The following ESR2 variants were observed in gnomAD, a reference collection of about 807,000 sequenced individuals.
The protein encoded by ESR2 is estrogen receptor 2.
In ESR2, 36 loss-of-function variants were observed where a neutral mutation model predicts 49.6. The observed-to-expected ratio is 0.73, with a 90% CI of 0.56 to 0.96. ESR2 has a LOEUF of 0.96. Among genes scored for constraint, ESR2 ranks in the 40% least tolerant of loss-of-function variants. The probability of loss-of-function intolerance (pLI) is 0.00; values close to 1 mark genes in which losing one functional copy is unlikely to be tolerated. For missense variants in ESR2, 714 were observed against 693.0 expected, an observed-to-expected ratio of 1.03 and a Z score of -0.34; for synonymous variants, 320 against 266.1, an observed-to-expected ratio of 1.20 and a Z score of -1.97.
intron 7 of ESR2, among the ~76,000 whole-genome samples, chr14:64,240,635 A>G (rs997966447): frequency 2.0e-5 from 3 of 152,208 alleles, no homozygotes; most frequent in African/African-American, 7.2e-5. Flanking sequence ...CACCACAACC[A>G]AGATAATGAA....
Position 64,305,690 on chromosome 14 carries a change from A to G in ESR2, c.-90-22615T>C, listed in dbSNP as rs2077086517. 2.0e-5 allele frequency among the ~76,000 whole-genome samples: 3 copies of G among 151,894 alleles called. No individual in the cohort carries two copies. The South Asian group carries it at 6.2e-4, about 31-fold the overall frequency. On this transcript the variant is annotated intron_variant, in intron 1 of 8. Coordinates refer to the ESR2 transcript ENST00000358599. ...TGTCTCAATAAATAAATAAATAAAT[A>G]AAATATATATACTATATAAAATGCT...
chr14:64,331,376 A>C (rs999553076), intron 1 of ESR2, among the ~76,000 whole-genome samples: 2 of 152,216 alleles, frequency 1.3e-5, no homozygotes, highest in African/African-American at 4.8e-5. Flanking sequence ...AGAACTAAAT[A>C]AACAGACAAA....
intron 7 of ESR2, among the ~76,000 whole-genome samples, chr14:64,244,079 G>A (rs182927211): frequency 1.1e-4 from 17 of 151,538 alleles, no homozygotes; most frequent in Non-Finnish European, 1.5e-4. Flanking sequence ...CTGTGAGAGT[G>A]TTCCAGGAAG....
intron 1 of ESR2, among the ~76,000 whole-genome samples, chr14:64,314,976 G>A (rs1363933810): frequency 6.6e-6 from 1 of 151,672 alleles, no homozygotes; most frequent in East Asian, 1.9e-4. Flanking sequence ...GATGGACGCG[G>A]TGGCTCATGC....
intron 7 of ESR2, among the ~76,000 whole-genome samples, chr14:64,240,071 A>G (rs1183340743): frequency 6.6e-6 from 1 of 152,228 alleles, no homozygotes; most frequent in Non-Finnish European, 1.5e-5. Context: ...TTTCCATTCC[A>G]TATTATAGCC....
intron 1 of ESR2, among the ~76,000 whole-genome samples, chr14:64,322,173 C>T (rs1001175245): frequency 7.2e-5 from 11 of 152,148 alleles, no homozygotes; most frequent in Non-Finnish European, 1.3e-4. Context: ...ATTCTCCTGC[C>T]TCATGCTCCC....
At chr14:64,243,919 A>T (rs2075795841) in intron 7 of ESR2, among the ~76,000 whole-genome samples, 1 of 151,494 alleles carries the variant, frequency 6.6e-6, no homozygotes, top group South Asian at 2.1e-4. Context: ...CCCACTCAGT[A>T]CTCTCCCCTC....
At chr14:64,249,711 A>G in intron 6 of ESR2, 32 bp from the exon 7 acceptor site, 6 of 1,588,496 alleles carry the variant, frequency 3.8e-6, no homozygotes, top group South Asian at 1.1e-5. Context: ...TTTAAGGAAC[A>G]TAGCTTCAGG....
chr14:64,233,353 C>A (rs770321698), intron 8 of ESR2, 30 bp from the exon 9 acceptor site: 1 of 1,593,570 alleles, frequency 6.3e-7, no homozygotes, highest in South Asian at 1.1e-5. Flanking sequence ...CTGAGATTCC[C>A]TCCTCCGAGG....
intron 8 of ESR2, chr14:64,234,424 G>A (rs12432029): frequency 0.058 from 8,979 of 155,490 alleles, 343 homozygotes; most frequent in Non-Finnish European, 0.079. Context: ...ACACAATTAC[G>A]TTTCCTGATC....
intron 1 of ESR2, among the ~76,000 whole-genome samples, chr14:64,309,279 T>A (rs868514827): frequency 1.3e-5 from 2 of 152,148 alleles, no homozygotes; most frequent in African/African-American, 4.8e-5. Context: ...AAGCACACTG[T>A]GGTATAATAT....
At chr14:64,287,261 A>ATGACTC (rs1232148117) in intron 1 of ESR2, among the ~76,000 whole-genome samples, 4 of 152,158 alleles carry the variant, frequency 2.6e-5, no homozygotes, top group Non-Finnish European at 4.4e-5. Context: ...TATGGATGTG[A>ATGACTC]TGACTCTGGG....
chr14:64,258,530 G>A (rs1433791316), intron 5 of ESR2, among the ~76,000 whole-genome samples: 1 of 152,084 alleles, frequency 6.6e-6, no homozygotes, highest in African/African-American at 2.4e-5. Context: ...GGAAAATGGG[G>A]GTAACAATGC....
chr14:64,289,965 C>A (rs2140842240), intron 1 of ESR2, among the ~76,000 whole-genome samples: 1 of 152,310 alleles, frequency 6.6e-6, no homozygotes, highest in South Asian at 2.1e-4. Context: ...GTAAAAAATT[C>A]ACGCTCACAA....
chr14:64,258,210 AAAATAAATAAAT>A (rs142382720), intron 5 of ESR2, among the ~76,000 whole-genome samples: 1 of 150,620 alleles, frequency 6.6e-6, no homozygotes, highest in African/African-American at 2.5e-5. Context: ...CCCTGTCTCA[AAAATAAATAAAT>A]AAATAAATAA....
chr14:64,265,606 C>G (rs1028323008), intron 4 of ESR2, among the ~76,000 whole-genome samples: 2 of 152,192 alleles, frequency 1.3e-5, no homozygotes, highest in African/African-American at 2.4e-5. Context: ...ATATGTTGAG[C>G]TATTGTCCCA....
intron 3 of ESR2, among the ~76,000 whole-genome samples, chr14:64,270,778 G>A (rs907244836): frequency 4.6e-5 from 7 of 152,194 alleles, no homozygotes; most frequent in African/African-American, 1.7e-4. Context: ...CCAAAGTGCT[G>A]GGATTACAGG....
At chr14:64,312,702 C>G (rs548731762) in intron 1 of ESR2, among the ~76,000 whole-genome samples, 2 of 151,808 alleles carry the variant, frequency 1.3e-5, no homozygotes, top group African/African-American at 4.8e-5. Flanking sequence ...GTGTCTGTTC[C>G]CATACAGTCA....
chr14:64,298,498 T>C (rs1416868879), upstream of ESR2: 1 of 150,482 alleles, frequency 6.6e-6, no homozygotes, highest in Non-Finnish European at 1.5e-5. Flanking sequence ...TTGAATGAAA[T>C]GTTGTCAATT....
Sources: allele counts gnomAD v4.1 joint callset (sites outside exome capture counted in the v4.1 genomes callset), GRCh38; gene constraint gnomAD v4.1.1; transcripts MANE v1.5; gene names NCBI Gene and HGNC (gene_info 2026-07-23, HGNC 2026-07-21).